The following CLTC variants were observed in gnomAD, a reference collection of about 807,000 sequenced individuals.
CLTC encodes the protein clathrin heavy chain, also known as clathrin heavy chain 1.
CLTC carries 16 observed loss-of-function variants against 195.8 expected under a neutral mutation model. That is an observed-to-expected ratio of 0.08 (90% CI 0.06 to 0.12). The LOEUF is 0.12. Ranked by LOEUF, CLTC falls within the 10% of genes least tolerant of loss-of-function variation. CLTC has a pLI of 1.00. For missense variants in CLTC, 796 were observed against 2,027.0 expected (o/e 0.39, Z 11.66); for synonymous variants, 667 against 689.4 (o/e 0.97, Z 0.51).
rs2033418569 is a variant in CLTC at position 59,696,136 on chromosome 17, A to G, written c.*2284A>G. On this transcript the variant is annotated 3_prime_UTR_variant, in exon 32 of 32. Coordinates refer to ENST00000269122, the MANE Select transcript of CLTC (RefSeq NM_004859.4). ...GAAATTACCTGAGCCAGAATCATGC[A>G]CTTAGCACTGAGTTCAACTCAGTCT... The G allele has an allele frequency of 4.6e-6, 1 of 217,560 alleles. No homozygotes were observed. The highest frequency in any genetic ancestry group is 6.8e-5 in the East Asian group (1 of 14,660). 13.5% of individuals were successfully genotyped at this position (217,560 alleles called of 1,614,324 possible). A position where few individuals can be genotyped will look rare whatever the true frequency, so the allele number is the denominator to read the frequency against.
chr17:59,639,271 G>T (rs2031959614), intron 1 of CLTC, among the ~76,000 whole-genome samples: 1 of 152,106 alleles, frequency 6.6e-6, no homozygotes, highest in South Asian at 2.1e-4. Context: ...AGGGGAGAAG[G>T]GTATTACTGG....
rs981079414 is a variant in CLTC, at chr17:59,664,414, G to A, written c.1522-373G>A. 4.6e-5 allele frequency among the ~76,000 whole-genome samples: 7 copies of A among 152,006 alleles called. 1 individual carries two copies. The East Asian group carries it at 5.8e-4, about 13-fold the overall frequency. On this transcript the variant is annotated intron_variant, in intron 9 of 31. Transcript: ENST00000269122. ...TAAAAATACAAAAAAGTAGCCAGGC[G>A]TGGTGGTGTGTCTGTGGTCTTAGCT...
chr17:59,677,808 C>T (rs552838467), intron 17 of CLTC, among the ~76,000 whole-genome samples: 1 of 152,214 alleles, frequency 6.6e-6, no homozygotes, highest in South Asian at 2.1e-4. Flanking sequence ...ACAATAGTTG[C>T]TTTTTCTATT....
intron 30 of CLTC, among the ~76,000 whole-genome samples, chr17:59,686,641 G>A (rs750060070): frequency 6.6e-6 from 1 of 152,104 alleles, no homozygotes; most frequent in Admixed American, 6.5e-5. Flanking sequence ...AACATTTTCT[G>A]TATTCAATGT....
intron 30 of CLTC, chr17:59,689,042 A>T (rs2033242645): frequency 6.6e-6 from 1 of 152,196 alleles, no homozygotes; most frequent in African/African-American, 2.4e-5. Flanking sequence ...TGGACATTTC[A>T]TATGGTACTT....
intron 6 of CLTC, 91 bp downstream of exon 6, chr17:59,656,118 T>A (rs4349212): frequency 0.86 from 953,124 of 1,109,176 alleles, 410,468 homozygotes; most frequent in East Asian, 0.96. Context: ...TCCCCAAGAT[T>A]AAAAAATAGA....
In CLTC at chr17:59,681,173, C is replaced by T. The variant is rs1002907821; in HGVS notation, c.3065+116C>T. On this transcript the variant is annotated intron_variant, in intron 19 of 31. Transcript: ENST00000269122. This position sits in a 1 kb window ranked among gnomAD's most constrained non-coding sequence, Gnocchi z 5.0. ...GAAAGTTGCCTGAATTCTCACTCTT[C>T]TAATATCCTCCCCCCTACCCTACCT... is the stretch of plus-strand genomic sequence containing the variant. 3.9e-5 allele frequency: 57 copies of T among 1,448,480 alleles called. No homozygotes were observed. In the African/African-American group the frequency reaches 7.4e-4, roughly 19 times the overall value. 89.7% of individuals were successfully genotyped at this position (1,448,480 alleles called of 1,614,324 possible). A position where few individuals can be genotyped will look rare whatever the true frequency, so the allele number is the denominator to read the frequency against.
At chr17:59,620,512 A>G (rs2031336972) in intron 1 of CLTC, among the ~76,000 whole-genome samples, 1 of 148,342 alleles carries the variant, frequency 6.7e-6, no homozygotes, top group African/African-American at 2.5e-5. Flanking sequence ...TGGGAGGGGG[A>G]TTCTCCCTTG....
intron 1 of CLTC, among the ~76,000 whole-genome samples, chr17:59,630,442 A>T (rs954240167): frequency 6.6e-6 from 1 of 152,272 alleles, no homozygotes; most frequent in African/African-American, 2.4e-5. Context: ...TAACAAAATT[A>T]ACCATTTTAA....
At position 59,683,992 on chromosome 17, in the gene CLTC, C is replaced by T. The variant is rs763338284; in HGVS notation, c.4434+7C>T. On this transcript the variant is annotated splice_region_variant and intron_variant, in intron 28 of 31. Transcript: ENST00000269122. The surrounding 1 kb of genome is among the most constrained non-coding windows in gnomAD (Gnocchi z 6.1). ...TACAGAAGAAGATTATCAGGTAAAA[C>T]CTTTTGATTCTTGCACATAATCTCA... The T allele has an allele frequency of 3.1e-5, 46 of 1,494,586 alleles. No homozygotes were observed. Among genetic ancestry groups the T allele is most frequent in the Admixed American group, 5.1e-5 (3 of 59,306 alleles). 92.6% of individuals were successfully genotyped at this position (1,494,586 alleles called of 1,614,324 possible). A position where few individuals can be genotyped will look rare whatever the true frequency, so the allele number is the denominator to read the frequency against.
intron 10 of CLTC, 133 bp downstream of exon 10, chr17:59,665,042 T>C: frequency 1.7e-6 from 2 of 1,150,782 alleles, no homozygotes; most frequent in Non-Finnish European, 2.4e-6. Flanking sequence ...CTGGGCAACA[T>C]TGTGAGACCC....
At chr17:59,661,359 G>A in intron 7 of CLTC, 84 bp from the exon 8 acceptor site, 1 of 1,029,642 alleles carries the variant, frequency 9.7e-7, no homozygotes, top group East Asian at 2.4e-5. Context: ...TGTTTAGTGT[G>A]ATGTTTGGAT....
At chr17:59,669,302 A>G (rs904069963) in intron 14 of CLTC, among the ~76,000 whole-genome samples, 17 of 152,146 alleles carry the variant, frequency 1.1e-4, no homozygotes, top group African/African-American at 4.1e-4. Flanking sequence ...TCTTCATACC[A>G]TTTTGAGGAG....
At position 59,683,575 on chromosome 17, in the gene CLTC, GA is replaced by G; in HGVS notation, c.4191+42del. 6.2e-7 allele frequency: 1 copy of G among 1,613,244 alleles called. No individual in the cohort carries two copies. Among genetic ancestry groups the G allele is most frequent in the Non-Finnish European group, 8.5e-7 (1 of 1,179,428 alleles). ...TCAGAAGATAAAGGATTCAGAAGGA[GA>G]AAGCTCATTAGGAAGTAACTGACTT... On this transcript the variant is annotated intron_variant, in intron 26 of 31. Transcript: ENST00000269122. The surrounding 1 kb of genome is among the most constrained non-coding windows in gnomAD (Gnocchi z 6.1).
At position 59,648,297 on chromosome 17, in the gene CLTC, C is replaced by A. The variant is rs768592825; in HGVS notation, c.577C>A (p.Pro193Thr). Residue 193 changes from proline (P) to threonine (T), a missense_variant, in exon 4 of 32, where the codon CCC becomes ACC. Around this residue, in one of 9 missense-constraint regions of CLTC, gnomAD observed 293 missense variants for 795.6 expected, o/e 0.37. Transcript: ENST00000269122. The surrounding 1 kb of genome is among the most constrained non-coding windows in gnomAD (Gnocchi z 4.5). ...TTCTGTAGATAGGAAAGTGTCTCAG[C>A]CCATTGAAGGACATGCAGCTAGCTT... The part of the protein sequence containing the change: ...LYSVDRKVSQ[P>T]IEGHAASFAQ... The A allele has an allele frequency of 1.2e-6, 2 of 1,614,012 alleles. No individual in the cohort carries two copies. The highest frequency in any genetic ancestry group is 1.7e-6 in the Non-Finnish European group (2 of 1,179,908).
At chr17:59,684,795 A>G (rs1167963143) in intron 28 of CLTC, among the ~76,000 whole-genome samples, 1 of 105,966 alleles carries the variant, frequency 9.4e-6, no homozygotes, top group African/African-American at 3.6e-5. Context: ...CAACAGAGGG[A>G]GACTCCATCT....
At chr17:59,691,664 T>TAA (rs988920407) in intron 31 of CLTC, among the ~76,000 whole-genome samples, 186 of 148,210 alleles carry the variant, frequency 1.3e-3, no homozygotes, top group African/African-American at 4.1e-3. Flanking sequence ...TATATATATA[T>TAA]AACCATTATA....
In CLTC at chr17:59,674,619, G is replaced by A; in HGVS notation, c.2419-82G>A. On this transcript the variant is annotated intron_variant, in intron 15 of 31. Coordinates refer to ENST00000269122, the MANE Select transcript of CLTC (RefSeq NM_004859.4). ...AAAGAAAAAAAAACTGAGCTTAAAA[G>A]CGATAGAGATAAATGCTTTTTTAAA... The A allele has an allele frequency of 1.6e-6, 2 of 1,275,432 alleles. 1 individual carries two copies. Among genetic ancestry groups the A allele is most frequent in the Middle Eastern group, 5.3e-4 (2 of 3,772 alleles). 79.0% of individuals were successfully genotyped at this position (1,275,432 alleles called of 1,614,324 possible).
chr17:59,669,445 G>A (rs984822578), intron 14 of CLTC, among the ~76,000 whole-genome samples: 19 of 152,114 alleles, frequency 1.2e-4, no homozygotes, highest in Non-Finnish European at 2.2e-4. Context: ...CAAACAAAAC[G>A]CTCAGCTTTG....
Sources: allele counts gnomAD v4.1 joint callset (sites outside exome capture counted in the v4.1 genomes callset), GRCh38; gene constraint gnomAD v4.1.1; regional missense constraint gnomAD v4.1.1; non-coding constraint Gnocchi (gnomAD v3.1); transcripts MANE v1.5; gene names NCBI Gene and HGNC (gene_info 2026-07-23, HGNC 2026-07-21).